The following CAPN6 variants were observed in gnomAD, a reference collection of about 807,000 sequenced individuals.
CAPN6 encodes the protein calpain-6.
A neutral mutation model predicts 46.0 loss-of-function variants in CAPN6; 16 were observed. The observed-to-expected ratio is 0.35, with a 90% CI of 0.24 to 0.53. CAPN6 has a LOEUF of 0.53. Ranked by LOEUF, CAPN6 falls within the 20% of genes least tolerant of loss-of-function variation. CAPN6 has a pLI of 0.94. For missense variants in CAPN6, 461 were observed against 498.0 expected, an observed-to-expected ratio of 0.93 and a Z score of 0.71; for synonymous variants, 206 against 172.8, an observed-to-expected ratio of 1.19 and a Z score of -1.51.
chrX:111,256,663 T>A (rs1603408765), intron 2 of CAPN6, among the ~76,000 whole-genome samples: 2 of 111,325 alleles, frequency 1.8e-5, no homozygotes, highest in East Asian at 5.6e-4. Context: ...ACATAAAGGG[T>A]CACATAAGTG....
intron 4 of CAPN6, 22 bp downstream of exon 4, chrX:111,252,986 G>A (rs1168673120): frequency 1.7e-6 from 2 of 1,157,915 alleles, no homozygotes; most frequent in South Asian, 3.6e-5. Context: ...CCTGATAGCA[G>A]ACTAGTCAAT....
rs768515647 is a variant in CAPN6 at position 111,268,739 on chromosome X, A to C, written c.-16+1632T>G. On this transcript the variant is annotated intron_variant, in intron 1 of 12. Coordinates refer to ENST00000324068, the MANE Select transcript of CAPN6 (RefSeq NM_014289.4). ...ATGTCTACTTTTCCAGCCTTTCAAGAATCAAATTCTGATTTTATAGAATGT... is the reference window on the plus strand; with the variant it reads ...ATGTCTACTTTTCCAGCCTTTCAAGCATCAAATTCTGATTTTATAGAATGT... Among the ~76,000 whole-genome samples the C allele has an allele frequency of 3.5e-5, 4 of 112,842 alleles. No homozygotes were observed. The East Asian group carries it at 1.1e-3, about 31-fold the overall frequency.
intron 8 of CAPN6, among the ~76,000 whole-genome samples, chrX:111,250,378 T>C (rs1421020240): frequency 9.0e-6 from 1 of 111,395 alleles, no homozygotes; most frequent in Admixed American, 9.5e-5. Flanking sequence ...AATAGCACTG[T>C]AATGGGAGAT....
At chrX:111,247,601 G>A in intron 11 of CAPN6, 97 bp from the exon 12 acceptor site, 1 of 892,940 alleles carries the variant, frequency 1.1e-6, no homozygotes, top group East Asian at 3.1e-5. Flanking sequence ...GGGACTTTCA[G>A]CATAGCACTC....
chrX:111,262,555 C>A (rs1381722449), intron 2 of CAPN6, among the ~76,000 whole-genome samples: 1 of 111,815 alleles, frequency 8.9e-6, no homozygotes, highest in African/African-American at 3.3e-5. Flanking sequence ...TTAAATAGGA[C>A]CTGAATGTCT....
Position 111,252,460 on chromosome X carries a change from G to A in CAPN6, c.546C>T (p.Ile182=). The change falls in exon 5 of 13, where the codon ATC becomes ATT. Residue 182 remains isoleucine (I), a synonymous_variant. Coordinates refer to ENST00000324068, the MANE Select transcript of CAPN6 (RefSeq NM_014289.4). ...GCYEALDGLT[I]TDIIVDFTGT... is the part of the protein sequence containing the mutation. ...CCGTGAAGTCCACAATAATATCAGTGATGGTCAAACCATCCAGGGCCTCAT... is the reference window on the plus strand; with the variant it reads ...CCGTGAAGTCCACAATAATATCAGTAATGGTCAAACCATCCAGGGCCTCAT... 1 of 1,210,508 alleles carries A rather than the reference G, an allele frequency of 8.3e-7. No individual in the cohort carries two copies. Among genetic ancestry groups the A allele is most frequent in the Non-Finnish European group, 1.1e-6 (1 of 894,861 alleles).
Position 111,247,444 on chromosome X carries a change from T to C in CAPN6, c.1667A>G (p.Lys556Arg). 1 of 1,208,710 alleles carries C rather than the reference T, an allele frequency of 8.3e-7. No individual in the cohort carries two copies. The highest frequency in any genetic ancestry group is 1.1e-6 in the Non-Finnish European group (1 of 893,517). ...GKEEVRSPVQ[K>R]NTVHAIFDTQ... ...GTCAAAAATGGCATGAACTGTATTC[T>C]TCTGGACAGGAGAACGGACTTCCTC... Residue 556 changes from lysine to arginine, a missense_variant, in exon 12 of 13, where the codon AAG becomes AGG. Lys to Arg is a conservative substitution (Grantham distance 26). Coordinates refer to ENST00000324068, the MANE Select transcript of CAPN6 (RefSeq NM_014289.4).
chrX:111,251,016 C>A lies in CAPN6; in HGVS notation c.1059G>T (p.Leu353=). ...CAGTCCAGCATCCCAACACCGATTC[C>A]AGCTCCTTTCGGCCAAAAATAGGGT... The part of the protein sequence containing the change: ...VNNPIFGRKE[L]ESVLGCWTVD... The change falls in exon 8 of 13, where the codon CTG becomes CTT. Residue 353 remains leucine, a synonymous_variant. Coordinates refer to ENST00000324068, the MANE Select transcript of CAPN6 (RefSeq NM_014289.4). The A allele has an allele frequency of 1.7e-6, 2 of 1,211,613 alleles. No individual in the cohort carries two copies. The highest frequency in any genetic ancestry group is 2.2e-6 in the Non-Finnish European group (2 of 895,430).
chrX:111,247,979 C>T lies in CAPN6; in HGVS notation c.1498G>A (p.Asp500Asn). 8.3e-7 allele frequency: 1 copy of T among 1,209,707 alleles called. No individual in the cohort carries two copies. Among genetic ancestry groups the T allele is most frequent in the Non-Finnish European group, 1.1e-6 (1 of 894,039 alleles). The change falls in exon 11 of 13, where the codon GAC (aspartate) becomes AAC (asparagine). Residue 500 changes from aspartate (D) to asparagine (N), a missense_variant. Physicochemically the swap from Asp to Asn is conservative, Grantham distance 23. Transcript: ENST00000324068. ...TTCCAGCAGGACATTTTGGGCATGT[C>T]CAGAGTCAGTTCCCTAGAACATCAA... ...VPVQLRELTL[D>N]MPKMSCWNLA...
chrX:111,255,992 C>T (rs771058753), intron 2 of CAPN6, among the ~76,000 whole-genome samples: 231 of 112,073 alleles, frequency 2.1e-3, no homozygotes, highest in African/African-American at 7.2e-3. Flanking sequence ...AAGTCAAACC[C>T]TGATGTTCTT....
intron 6 of CAPN6, 97 bp downstream of exon 6, chrX:111,251,452 C>T: frequency 4.4e-6 from 4 of 908,824 alleles, no homozygotes; most frequent in Non-Finnish European, 6.3e-6. Flanking sequence ...CCACAGATGT[C>T]ACTGAGCATT....
Position 111,248,778 on chromosome X carries a change from A to G in CAPN6, c.1282-7T>C, listed in dbSNP as rs2094976710. ...ATTTGCGGTTCATCTCCACCTGGAA[A>G]TGAAATAGGGTAAAATATTCAATTC... is the stretch of plus-strand genomic sequence containing the variant. On this transcript the variant is annotated splice_polypyrimidine_tract_variant and splice_region_variant and intron_variant, in intron 9 of 12. Transcript: ENST00000324068. 3 of 1,204,700 alleles carry G rather than the reference A, an allele frequency of 2.5e-6. No homozygotes were observed. Among genetic ancestry groups the G allele is most frequent in the Non-Finnish European group, 3.4e-6 (3 of 890,615 alleles).
At chrX:111,254,485 C>T (rs2094982226) in intron 2 of CAPN6, 82 bp from the exon 3 acceptor site, 1 of 723,242 alleles carries the variant, frequency 1.4e-6, no homozygotes. Flanking sequence ...GCAGGACAGC[C>T]TTCATAGAGG....
At chrX:111,264,752 CAG>C (rs894489798) in intron 1 of CAPN6, among the ~76,000 whole-genome samples, 10 of 108,810 alleles carry the variant, frequency 9.2e-5, no homozygotes, top group Non-Finnish European at 1.9e-4. Context: ...CATGGCTAAA[CAG>C]AGAATTCATA....
intron 2 of CAPN6, among the ~76,000 whole-genome samples, chrX:111,261,582 C>T (rs1052943242): frequency 8.9e-6 from 1 of 112,291 alleles, no homozygotes; most frequent in Non-Finnish European, 1.9e-5. Flanking sequence ...AGGCAAAATG[C>T]CGTGGTTGTT....
intron 3 of CAPN6, among the ~76,000 whole-genome samples, chrX:111,253,902 G>C (rs1258572436): frequency 9.0e-6 from 1 of 111,675 alleles, no homozygotes; most frequent in Non-Finnish European, 1.9e-5. Flanking sequence ...TTATTAATAT[G>C]TATTATTGAC....
intron 2 of CAPN6, among the ~76,000 whole-genome samples, chrX:111,262,749 G>A (rs773771449): frequency 8.9e-6 from 1 of 111,976 alleles, no homozygotes; most frequent in Admixed American, 9.4e-5. Context: ...TATACACTGA[G>A]CTCCTGCTCA....
chrX:111,252,230 G>T, intron 5 of CAPN6, 77 bp downstream of exon 5: 1 of 839,620 alleles, frequency 1.2e-6, no homozygotes. Context: ...CGGGTTAAGG[G>T]CGAATTTCCC....
At chrX:111,265,066 A>T (rs2094990773) in intron 1 of CAPN6, among the ~76,000 whole-genome samples, 1 of 112,305 alleles carries the variant, frequency 8.9e-6, no homozygotes, top group Non-Finnish European at 1.9e-5. Flanking sequence ...GAAACAAAAA[A>T]AACCTGACTA....
Sources: allele counts gnomAD v4.1 joint callset (sites outside exome capture counted in the v4.1 genomes callset), GRCh38; gene constraint gnomAD v4.1.1; transcripts MANE v1.5; gene names NCBI Gene and HGNC (gene_info 2026-07-23, HGNC 2026-07-21).